KDM1B: variants seen among roughly 807,000 people sequenced by gnomAD.
KDM1B encodes the protein lysine-specific histone demethylase 2.
Under a neutral mutation model 107.4 loss-of-function variants are expected in KDM1B, and 63 were observed. The observed-to-expected ratio is 0.59, with a 90% CI of 0.48 to 0.72. The LOEUF (loss-of-function observed/expected upper bound fraction) is 0.72, where lower values mean the gene tolerates loss of function less well. Among genes scored for constraint, KDM1B ranks in the 30% least tolerant of loss-of-function variants. The pLI is 0.00. For missense variants in KDM1B, 749 were observed against 1,020.8 expected, an observed-to-expected ratio of 0.73 and a Z score of 3.63; for synonymous variants, 363 against 363.9, an observed-to-expected ratio of 1.00 and a Z score of 0.03.
intron 7 of KDM1B, among the ~76,000 whole-genome samples, chr6:18,174,705 T>C (rs1453823120): frequency 6.6e-6 from 1 of 152,006 alleles, no homozygotes; most frequent in Non-Finnish European, 1.5e-5. Flanking sequence ...AGTGAGAACA[T>C]ATGGTGTTTG....
chr6:18,200,346 G>A lies in KDM1B; in HGVS notation c.1222-93G>A. On this transcript the variant is annotated intron_variant, in intron 12 of 21. Transcript: ENST00000650836. The surrounding 1 kb of genome is among the most constrained non-coding windows in gnomAD (Gnocchi z 4.3). ...TATTTGGAATTAACCAAATATAGAGGCTATTTAACAGTGTCCTTCTACATT... is the reference window on the plus strand; with the variant it reads ...TATTTGGAATTAACCAAATATAGAGACTATTTAACAGTGTCCTTCTACATT... 1.7e-6 allele frequency: 2 copies of A among 1,201,620 alleles called. No individual in the cohort carries two copies. The highest frequency in any genetic ancestry group is 2.3e-6 in the Non-Finnish European group (2 of 862,148). The allele number at this position is 1,201,620 out of a possible 1,614,324, so 74.4% of individuals were successfully genotyped here.
intron 9 of KDM1B, among the ~76,000 whole-genome samples, chr6:18,188,560 T>A (rs535476527): frequency 8.5e-5 from 13 of 152,294 alleles, no homozygotes; most frequent in African/African-American, 3.1e-4. Flanking sequence ...CGAAATCACC[T>A]ACTCTCAAAA....
At chr6:18,168,573 C>T (rs984726110) in intron 6 of KDM1B, among the ~76,000 whole-genome samples, 1 of 152,098 alleles carries the variant, frequency 6.6e-6, no homozygotes, top group South Asian at 2.1e-4. Flanking sequence ...AGTGAACATT[C>T]TTGTAGAAGT....
intron 7 of KDM1B, among the ~76,000 whole-genome samples, chr6:18,185,537 G>C (rs1484351626): frequency 6.6e-6 from 1 of 151,990 alleles, no homozygotes; most frequent in East Asian, 1.9e-4. Flanking sequence ...CCTGACCTTA[G>C]GTGATCCACC....
rs1443089201 is a variant in KDM1B, at chr6:18,166,275, A to G, written c.314A>G (p.Asp105Gly). 6.5e-7 allele frequency: 1 copy of G among 1,530,468 alleles called. No individual in the cohort carries two copies. The highest frequency in any genetic ancestry group is 1.1e-5 in the South Asian group (1 of 89,368). The allele number at this position is 1,530,468 out of a possible 1,614,324, so 94.8% of individuals were successfully genotyped here. ...CFDHYYRSHK[D>G]GYDKYTTWKK... ...TTTTTCTTGTTTTTCAGCCATAAGG[A>G]TGGATATGACAAATATACTACATGG... Residue 105 changes from aspartate (D) to glycine (G), a missense_variant, in exon 6 of 22, where the codon GAT becomes GGT. Physicochemically the swap from Asp to Gly is moderately conservative, Grantham distance 94. Coordinates refer to ENST00000650836, the MANE Select transcript of KDM1B (RefSeq NM_001364614.2).
chr6:18,183,258 GTTTTTTTTTTT>G (rs34558185), intron 7 of KDM1B, among the ~76,000 whole-genome samples: 4 of 61,430 alleles, frequency 6.5e-5, no homozygotes, highest in Non-Finnish European at 9.2e-5. Context: ...AATTTTGTGG[GTTTTTTTTTTT>G]TTTTTTTTTT....
chr6:18,219,234 G>T (rs1481803265), intron 21 of KDM1B, among the ~76,000 whole-genome samples: 1 of 151,998 alleles, frequency 6.6e-6, no homozygotes, highest in Non-Finnish European at 1.5e-5. Flanking sequence ...TCCAGCATTG[G>T]GCCTTTATTT....
intron 12 of KDM1B, among the ~76,000 whole-genome samples, chr6:18,199,707 T>C (rs1787909239): frequency 6.6e-6 from 1 of 152,004 alleles, no homozygotes; most frequent in Non-Finnish European, 1.5e-5. Context: ...TACTTTTTTT[T>C]TTTTTTTTTA....
intron 2 of KDM1B, among the ~76,000 whole-genome samples, chr6:18,158,757 C>T (rs1784789408): frequency 6.6e-6 from 1 of 152,098 alleles, no homozygotes; most frequent in African/African-American, 2.4e-5. Context: ...TCTGTTAGCT[C>T]TTAATCTTTC....
At chr6:18,196,835 G>A (rs1458941526) in intron 10 of KDM1B, among the ~76,000 whole-genome samples, 1 of 152,112 alleles carries the variant, frequency 6.6e-6, no homozygotes, top group African/African-American at 2.4e-5. Context: ...TTACATAAGG[G>A]ACTTGAGAAT....
intron 9 of KDM1B, 83 bp downstream of exon 9, chr6:18,188,085 AT>A (rs1376210444): frequency 2.4e-5 from 31 of 1,273,314 alleles, no homozygotes; most frequent in Non-Finnish European, 3.2e-5. Context: ...AACGCAAAGG[AT>A]TTTTTTTAAA....
chr6:18,187,574 T>C (rs968629842), intron 8 of KDM1B, among the ~76,000 whole-genome samples: 6 of 152,160 alleles, frequency 3.9e-5, no homozygotes, highest in Admixed American at 2.0e-4. Flanking sequence ...TCAGAAAGAA[T>C]TCTGTCTGGG....
chr6:18,221,501 G>A (rs1307450421), intron 21 of KDM1B, among the ~76,000 whole-genome samples: 3 of 152,150 alleles, frequency 2.0e-5, no homozygotes, highest in East Asian at 1.9e-4. Context: ...TTTGAGTAAC[G>A]TAACTCTCTA....
Position 18,157,808 on chromosome 6 carries a change from C to CTTTTTTTTT in KDM1B, c.-14+1896_-14+1904dup, listed in dbSNP as rs67631382. Among the ~76,000 whole-genome samples, 3 of 115,624 alleles carry CTTTTTTTTT rather than the reference C, an allele frequency of 2.6e-5. 1 individual carries two copies. The highest frequency in any genetic ancestry group is 7.1e-5 in the African/African-American group (2 of 28,170). 75.9% of individuals were successfully genotyped at this position (115,624 alleles called of 152,430 possible). ...GTATAACAATTATAGGTAGATAGTC[C>CTTTTTTTTT]TTTTTTTTTTTTTTTTTTTTTTGAG... On this transcript the variant is annotated intron_variant, in intron 2 of 21. Coordinates refer to ENST00000650836, the MANE Select transcript of KDM1B (RefSeq NM_001364614.2).
intron 7 of KDM1B, among the ~76,000 whole-genome samples, chr6:18,181,097 CTT>C (rs927963057): frequency 8.5e-5 from 13 of 152,134 alleles, no homozygotes; most frequent in African/African-American, 3.1e-4. Flanking sequence ...CTGTAGAACA[CTT>C]TTAGACAAAT....
chr6:18,181,877 T>G (rs1338753296), intron 7 of KDM1B, among the ~76,000 whole-genome samples: 3 of 152,214 alleles, frequency 2.0e-5, no homozygotes, highest in Non-Finnish European at 4.4e-5. Flanking sequence ...ATATAACACT[T>G]CCTTTTCTTC....
intron 3 of KDM1B, among the ~76,000 whole-genome samples, chr6:18,160,793 T>C (rs1243992155): frequency 2.0e-5 from 3 of 149,172 alleles, no homozygotes; most frequent in Non-Finnish European, 4.5e-5. Context: ...AAATCTCAAT[T>C]TGGGGAATGA....
intron 21 of KDM1B, among the ~76,000 whole-genome samples, chr6:18,221,351 C>T (rs1004697465): frequency 1.3e-5 from 2 of 152,198 alleles, no homozygotes; most frequent in Non-Finnish European, 2.9e-5. Context: ...CCCCTATCCT[C>T]CTGGTTTGCT....
chr6:18,181,253 A>G (rs1344790863), intron 7 of KDM1B, among the ~76,000 whole-genome samples: 1 of 152,192 alleles, frequency 6.6e-6, no homozygotes, highest in Non-Finnish European at 1.5e-5. Context: ...CTCTGTGTGT[A>G]TACAGGGAGA....
Sources: allele counts gnomAD v4.1 joint callset (sites outside exome capture counted in the v4.1 genomes callset), GRCh38; gene constraint gnomAD v4.1.1; non-coding constraint Gnocchi (gnomAD v3.1); transcripts MANE v1.5; gene names NCBI Gene and HGNC (gene_info 2026-07-23, HGNC 2026-07-21).